The following OPRM1 variants were observed in gnomAD, a reference collection of about 807,000 sequenced individuals.
OPRM1 encodes opioid receptor mu 1.
Under a neutral mutation model 31.8 loss-of-function variants are expected in OPRM1, and 27 were observed. The observed-to-expected ratio is 0.85, with a 90% CI of 0.63 to 1.17. The LOEUF (loss-of-function observed/expected upper bound fraction) is 1.17. Among genes scored for constraint, OPRM1 ranks in the 50% most tolerant of loss-of-function variants. The pLI is 0.00. For missense variants in OPRM1, 536 were observed against 511.1 expected (o/e 1.05, Z -0.47); for synonymous variants, 196 against 189.9 (o/e 1.03, Z -0.26).
intron 3 of OPRM1, among the ~76,000 whole-genome samples, chr6:154,094,970 C>T (rs1158534062): frequency 6.6e-6 from 1 of 152,178 alleles, no homozygotes; most frequent in African/African-American, 2.4e-5. Flanking sequence ...GTCTTGCTCT[C>T]CCAAGCCAGA....
At chr6:154,036,462 C>A (rs1300213416), upstream of OPRM1, among the ~76,000 whole-genome samples, 1 of 151,874 alleles carries the variant, frequency 6.6e-6, no homozygotes, top group Non-Finnish European at 1.5e-5. Context: ...GCACAAAGTT[C>A]AAGTCCTGCT....
At chr6:154,034,954 C>T (rs1322380230), upstream of OPRM1, among the ~76,000 whole-genome samples, 1 of 152,098 alleles carries the variant, frequency 6.6e-6, no homozygotes, top group South Asian at 2.1e-4. Context: ...CCTTTAAGGA[C>T]GATTCTGTAC....
intron 3 of OPRM1, chr6:154,108,722 G>A: frequency 2.1e-6 from 2 of 941,802 alleles, no homozygotes; most frequent in Non-Finnish European, 2.5e-6. Flanking sequence ...CTAAATCTTA[G>A]AAGAGACTCT....
At chr6:154,040,798 C>T (rs1779900551) in intron 1 of OPRM1, among the ~76,000 whole-genome samples, 1 of 152,088 alleles carries the variant, frequency 6.6e-6, no homozygotes, top group African/African-American at 2.4e-5. Flanking sequence ...CCAGATGTTC[C>T]CGGTATATTT....
chr6:154,246,787 T>G (rs1244878322), exon 4 of OPRM1: 2 of 1,611,806 alleles, frequency 1.2e-6, no homozygotes, highest in Admixed American at 3.4e-5. Context: ...AAGAGGTAGA[T>G]AATGTATTAC....
Position 154,091,302 on chromosome 6 carries a change from T to G in OPRM1, c.994T>G (p.Cys332Gly), listed in dbSNP as rs1291771909. 1.2e-6 allele frequency: 2 copies of G among 1,614,116 alleles called. No homozygotes were observed. Among genetic ancestry groups the G allele is most frequent in the African/African-American group, 1.3e-5 (1 of 74,940 alleles). The change falls in exon 3 of 4, where the codon TGC becomes GGC. Residue 332 changes from cysteine (C) to glycine (G), a missense_variant. By Grantham distance (159) the Cys-to-Gly change is radical (BLOSUM62 -3). Transcript: ENST00000330432. Reference protein sequence around the residue: ...FCIALGYTNSCLNPVLYAFLD... With the variant: ...FCIALGYTNSGLNPVLYAFLD... ...CATTGCTCTAGGTTACACAAACAGC[T>G]GCCTCAACCCAGTCCTTTATGCATT...
intron 1 of OPRM1, among the ~76,000 whole-genome samples, chr6:154,054,160 G>C (rs1234555812): frequency 6.6e-6 from 1 of 151,954 alleles, no homozygotes; most frequent in African/African-American, 2.4e-5. Context: ...ACGAGGTCAG[G>C]AGATCGAGAC....
intron 1 of OPRM1, among the ~76,000 whole-genome samples, chr6:154,051,316 C>T (rs1583238273): frequency 1.3e-5 from 2 of 152,212 alleles, no homozygotes. Context: ...AATTAGCCTG[C>T]TCCCTCCAAA....
At chr6:154,111,798 GC>G (rs1562483857) in intron 3 of OPRM1, among the ~76,000 whole-genome samples, 1 of 151,268 alleles carries the variant, frequency 6.6e-6, no homozygotes, top group Non-Finnish European at 1.5e-5. Context: ...ACCGAGTCTC[GC>G]TCTGTCGCCC....
intron 3 of OPRM1, chr6:154,109,134 C>A: frequency 1.6e-6 from 1 of 630,264 alleles, no homozygotes; most frequent in Non-Finnish European, 2.0e-6. Context: ...AGATTGTGTT[C>A]AGAGATGAAT....
At chr6:154,135,181 A>T (rs1583644612), downstream of OPRM1, among the ~76,000 whole-genome samples, 2 of 152,230 alleles carry the variant, frequency 1.3e-5, no homozygotes, top group Admixed American at 1.3e-4. Context: ...AAGAATATTG[A>T]CATTCGGCCA....
chr6:154,015,280 T>C (rs761880255), intron 1 of OPRM1, among the ~76,000 whole-genome samples: 1 of 152,188 alleles, frequency 6.6e-6, no homozygotes, highest in East Asian at 1.9e-4. Context: ...GTGTAGAATG[T>C]GTTATGTAAA....
At position 154,199,677 on chromosome 6, in the gene OPRM1, T is replaced by C; in HGVS notation, c.1165-47016T>C. 5 of 1,605,674 alleles carry C rather than the reference T, an allele frequency of 3.1e-6. No individual in the cohort carries two copies. In the South Asian group the frequency reaches 4.4e-5, roughly 14 times the overall value. On this transcript the variant is annotated intron_variant, in intron 3 of 3. Transcript: ENST00000337049. ...TAATTTATTGGTTTACCTTTGTCCA[T>C]GATCTTTGATCCAGCAGGCTTATCT...
rs868510396 is a variant in OPRM1 at position 154,129,530 on chromosome 6, A to G, written c.*10809A>G. ...ACATCATATATGATTGGAGACTTCC[A>G]CATAATTGAGTTTTAGTGCCCACTG... On this transcript the variant is annotated 3_prime_UTR_variant, in exon 4 of 4. Coordinates refer to ENST00000330432, the MANE Select transcript of OPRM1 (RefSeq NM_000914.5). Among the ~76,000 whole-genome samples the G allele has an allele frequency of 3.9e-5, 6 of 152,192 alleles. No homozygotes were observed. Among genetic ancestry groups the G allele is most frequent in the Non-Finnish European group, 8.8e-5 (6 of 68,032 alleles).
intron 3 of OPRM1, among the ~76,000 whole-genome samples, chr6:154,189,054 C>A (rs1801630645): frequency 6.6e-6 from 1 of 152,086 alleles, no homozygotes; most frequent in African/African-American, 2.4e-5. Context: ...GTAGAAAATA[C>A]ATTTGCAATA....
chr6:154,064,837 C>T (rs1443982301), intron 1 of OPRM1, among the ~76,000 whole-genome samples: 1 of 152,128 alleles, frequency 6.6e-6, no homozygotes, highest in Non-Finnish European at 1.5e-5. Flanking sequence ...TACTCTATTC[C>T]ATTGGTCAAT....
At chr6:154,108,202 A>G (rs1166217396) in intron 3 of OPRM1, 4 of 448,034 alleles carry the variant, frequency 8.9e-6, no homozygotes, top group Non-Finnish European at 1.6e-5. Context: ...CACATGTGAT[A>G]AAACATAGGC....
chr6:154,015,791 C>T (rs1018406415), intron 1 of OPRM1, among the ~76,000 whole-genome samples: 3 of 151,288 alleles, frequency 2.0e-5, no homozygotes, highest in Admixed American at 2.0e-4. Context: ...AAAAACAGAC[C>T]CTATTTTTAA....
At position 154,168,714 on chromosome 6, in the gene OPRM1, T is replaced by C. The variant is rs1232164149; in HGVS notation, c.1164+77242T>C. 6.6e-6 allele frequency among the ~76,000 whole-genome samples: 1 copy of C among 152,112 alleles called. No homozygotes were observed. The highest frequency in any genetic ancestry group is 1.5e-5 in the Non-Finnish European group (1 of 68,020). ...TACACCTCCCAGGTTCAAGTGATTC[T>C]CCTGTCTCAGCCTCCCAAGTAGCTG... On this transcript the variant is annotated intron_variant, in intron 3 of 3. Transcript: ENST00000337049. The surrounding 1 kb of genome is among the most constrained non-coding windows in gnomAD (Gnocchi z 4.1).
Sources: gnomAD v4.1 joint callset for allele counts (sites outside exome capture counted in the v4.1 genomes callset) on GRCh38, gnomAD v4.1.1 for gene constraint, Gnocchi (gnomAD v3.1) non-coding constraint, MANE v1.5 for transcripts, NCBI Gene and HGNC (gene_info 2026-07-23, HGNC 2026-07-21) for gene names.